Variants in UBE2E2 observed in about 807,000 individuals in gnomAD.
The protein encoded by UBE2E2 is ubiquitin conjugating enzyme E2 E2, also known as ubiquitin-conjugating enzyme E2 E2.
A neutral mutation model predicts 24.7 loss-of-function variants in UBE2E2; 6 were observed. The ratio of observed to expected loss-of-function variants is 0.24; its 90% CI spans 0.13 to 0.48. The LOEUF (loss-of-function observed/expected upper bound fraction) is 0.48, where lower values mean the gene tolerates loss of function less well. UBE2E2 is among the 20% of genes least tolerant of loss of function. The pLI, the probability that UBE2E2 is intolerant of heterozygous loss-of-function variation, is 0.99. For missense variants in UBE2E2, 169 were observed against 245.0 expected (o/e 0.69, Z 2.07); for synonymous variants, 104 against 83.6 (o/e 1.24, Z -1.33).
At chr3:23,410,408 T>C (rs1697468511) in intron 3 of UBE2E2, among the ~76,000 whole-genome samples, 1 of 152,180 alleles carries the variant, frequency 6.6e-6, no homozygotes, top group Admixed American at 6.6e-5. Context: ...TTAGAGCACA[T>C]ACTCTCATGT....
At chr3:23,508,718 C>G (rs1286513963) in intron 4 of UBE2E2, among the ~76,000 whole-genome samples, 2 of 152,194 alleles carry the variant, frequency 1.3e-5, no homozygotes, top group East Asian at 3.8e-4. Context: ...GAGTTCCTAT[C>G]TCTGTGAATG....
intron 3 of UBE2E2, among the ~76,000 whole-genome samples, chr3:23,274,543 A>G (rs958471382): frequency 1.3e-5 from 2 of 150,794 alleles, no homozygotes; most frequent in Admixed American, 1.3e-4. Context: ...TGTATTTTTT[A>G]TAGAGATGGA....
chr3:23,350,955 T>C (rs1274006457), intron 3 of UBE2E2, among the ~76,000 whole-genome samples: 1 of 151,894 alleles, frequency 6.6e-6, no homozygotes, highest in Non-Finnish European at 1.5e-5. Flanking sequence ...AAAGTTGAAA[T>C]GAAGGAAAAA....
chr3:23,574,254 G>T (rs569432998), intron 5 of UBE2E2, among the ~76,000 whole-genome samples: 1 of 152,282 alleles, frequency 6.6e-6, no homozygotes, highest in South Asian at 2.1e-4. Flanking sequence ...AGGGAGGGAA[G>T]TGAGCACAGC....
At chr3:23,393,291 A>T (rs975074029) in intron 3 of UBE2E2, among the ~76,000 whole-genome samples, 5 of 152,222 alleles carry the variant, frequency 3.3e-5, no homozygotes, top group African/African-American at 1.2e-4. Context: ...GACTCCCAAA[A>T]GTATCAGATA....
chr3:23,415,908 C>T (rs1353043629), intron 3 of UBE2E2, among the ~76,000 whole-genome samples: 4 of 152,084 alleles, frequency 2.6e-5, no homozygotes, highest in African/African-American at 2.4e-5. Context: ...TCCCAGCCCC[C>T]GAGAGGCCCC....
chr3:23,260,923 G>A (rs772848062), intron 3 of UBE2E2, among the ~76,000 whole-genome samples: 7 of 152,038 alleles, frequency 4.6e-5, no homozygotes, highest in Non-Finnish European at 1.0e-4. Context: ...GGGCAACGTG[G>A]CAAAACGCTG....
At chr3:23,225,973 A>G (rs2125328531) in intron 3 of UBE2E2, among the ~76,000 whole-genome samples, 1 of 151,934 alleles carries the variant, frequency 6.6e-6, no homozygotes, top group Middle Eastern at 3.4e-3. Context: ...TCCGCCTCCC[A>G]GGTTCAAGCA....
At chr3:23,537,804 G>A (rs1559415014) in intron 5 of UBE2E2, among the ~76,000 whole-genome samples, 1 of 152,126 alleles carries the variant, frequency 6.6e-6, no homozygotes, top group East Asian at 1.9e-4. Context: ...AATTGTGTTA[G>A]TAAATATTAA....
chr3:23,372,062 G>A (rs749262591), intron 3 of UBE2E2, among the ~76,000 whole-genome samples: 9 of 152,068 alleles, frequency 5.9e-5, no homozygotes, highest in Non-Finnish European at 1.2e-4. Context: ...AGGTTGCAGT[G>A]AGCCGAGATC....
intron 3 of UBE2E2, among the ~76,000 whole-genome samples, chr3:23,252,599 C>T (rs546007308): frequency 2.6e-5 from 4 of 152,146 alleles, no homozygotes; most frequent in Non-Finnish European, 5.9e-5. Flanking sequence ...TCGGTTCAAG[C>T]GATTCTCCTG....
At chr3:23,352,920 A>C (rs966112122) in intron 3 of UBE2E2, among the ~76,000 whole-genome samples, 1 of 152,218 alleles carries the variant, frequency 6.6e-6, no homozygotes, top group African/African-American at 2.4e-5. Flanking sequence ...AGCCGGGCAG[A>C]GACACAACCA....
intron 3 of UBE2E2, among the ~76,000 whole-genome samples, chr3:23,454,963 C>A (rs908080087): frequency 6.6e-6 from 1 of 152,102 alleles, no homozygotes; most frequent in African/African-American, 2.4e-5. Context: ...TATGAAAAGT[C>A]ATTGAAGCCA....
At chr3:23,517,534 G>A (rs1694770089) in intron 4 of UBE2E2, among the ~76,000 whole-genome samples, 1 of 152,030 alleles carries the variant, frequency 6.6e-6, no homozygotes, top group Non-Finnish European at 1.5e-5. Context: ...AATATTCTGT[G>A]TTTTTCCAGT....
chr3:23,386,756 A>G (rs1303098491), intron 3 of UBE2E2, among the ~76,000 whole-genome samples: 1 of 152,166 alleles, frequency 6.6e-6, no homozygotes, highest in African/African-American at 2.4e-5. Context: ...TATTTTATAT[A>G]CTCAGAGTAG....
chr3:23,376,476 G>A (rs548057116), intron 3 of UBE2E2, among the ~76,000 whole-genome samples: 1 of 152,366 alleles, frequency 6.6e-6, no homozygotes, highest in South Asian at 2.1e-4. Context: ...CACAAAGTGA[G>A]TAAGTTCCAA....
intron 4 of UBE2E2, among the ~76,000 whole-genome samples, chr3:23,519,644 A>G (rs938496620): frequency 5.9e-5 from 9 of 152,306 alleles, no homozygotes; most frequent in South Asian, 4.2e-4. Context: ...TAATCTCACA[A>G]TAGTAATAGT....
chr3:23,473,868 T>C (rs1465118289), intron 3 of UBE2E2, among the ~76,000 whole-genome samples: 1 of 152,126 alleles, frequency 6.6e-6, no homozygotes, highest in Non-Finnish European at 1.5e-5. Context: ...TAAACATGCA[T>C]GTACAAGTAC....
chr3:23,414,548 C>A (rs895533887), intron 3 of UBE2E2, among the ~76,000 whole-genome samples: 1 of 152,192 alleles, frequency 6.6e-6, no homozygotes, highest in Admixed American at 6.5e-5. Flanking sequence ...GGTGGGGACA[C>A]AGATTCAAAC....
Sources: gnomAD v4.1 joint callset for allele counts (sites outside exome capture counted in the v4.1 genomes callset) on GRCh38, gnomAD v4.1.1 for gene constraint, MANE v1.5 for transcripts, NCBI Gene and HGNC (gene_info 2026-07-23, HGNC 2026-07-21) for gene names.